Variants in ACMSD observed in about 807,000 individuals in gnomAD.
ACMSD encodes the protein 2-amino-3-carboxymuconate-6-semialdehyde decarboxylase.
A neutral mutation model predicts 45.9 loss-of-function variants in ACMSD; 37 were observed. The observed-to-expected ratio is 0.81, with a 90% CI of 0.62 to 1.06. ACMSD has a LOEUF of 1.06. Among genes scored for constraint, ACMSD ranks in the 50% least tolerant of loss-of-function variants. The probability of loss-of-function intolerance (pLI) is 0.00; values close to 1 mark genes in which losing one functional copy is unlikely to be tolerated. For synonymous variants in ACMSD, 138 were observed against 148.8 expected (o/e 0.93, Z 0.53); for missense variants, 434 against 420.9 (o/e 1.03, Z -0.27).
At chr2:134,878,749 G>A (rs1353172480) in intron 8 of ACMSD, among the ~76,000 whole-genome samples, 1 of 152,184 alleles carries the variant, frequency 6.6e-6, no homozygotes, top group African/African-American at 2.4e-5. Context: ...TAGTCCAAAG[G>A]TTTACTTTCC....
At chr2:134,881,210 A>G (rs1689018583) in intron 8 of ACMSD, among the ~76,000 whole-genome samples, 1 of 152,242 alleles carries the variant, frequency 6.6e-6, no homozygotes, top group South Asian at 2.1e-4. Flanking sequence ...CATGTTGGCC[A>G]GGCTGGTCTC....
intron 2 of ACMSD, among the ~76,000 whole-genome samples, chr2:134,854,291 A>G (rs1239519952): frequency 2.0e-5 from 3 of 152,200 alleles, no homozygotes; most frequent in Non-Finnish European, 4.4e-5. Context: ...CAGTGTTCTT[A>G]ATTGCAAACA....
At chr2:134,882,296 T>C (rs62168868) in intron 8 of ACMSD, among the ~76,000 whole-genome samples, 3 of 152,130 alleles carry the variant, frequency 2.0e-5, no homozygotes, top group Non-Finnish European at 2.9e-5. Context: ...CTTTCTGTCT[T>C]CTCAAGAAGT....
chr2:134,900,903 C>A (rs1436726558), intron 9 of ACMSD, among the ~76,000 whole-genome samples: 1 of 152,150 alleles, frequency 6.6e-6, no homozygotes, highest in African/African-American at 2.4e-5. Context: ...AGGGTACCTC[C>A]CTCAAAGGAT....
intron 6 of ACMSD, among the ~76,000 whole-genome samples, chr2:134,869,571 C>T (rs977801369): frequency 6.6e-5 from 10 of 152,032 alleles, no homozygotes; most frequent in Non-Finnish European, 1.0e-4. Context: ...TTTCATCATC[C>T]ATTTATGCAA....
At chr2:134,851,909 C>A (rs1169251914) in intron 2 of ACMSD, among the ~76,000 whole-genome samples, 1 of 152,162 alleles carries the variant, frequency 6.6e-6, no homozygotes, top group East Asian at 1.9e-4. Flanking sequence ...ATTTGTACAT[C>A]TTCTCAAAAT....
At chr2:134,845,507 AG>A (rs1248067038) in intron 2 of ACMSD, among the ~76,000 whole-genome samples, 2 of 105,998 alleles carry the variant, frequency 1.9e-5, no homozygotes, top group South Asian at 3.4e-4. Context: ...ACACATTAAA[AG>A]GTCTCTCTCT....
chr2:134,877,830 A>G (rs1481235352), intron 8 of ACMSD, among the ~76,000 whole-genome samples: 1 of 152,186 alleles, frequency 6.6e-6, no homozygotes, highest in Non-Finnish European at 1.5e-5. Context: ...GAAGCACGTC[A>G]TTTAATCTAG....
intron 2 of ACMSD, among the ~76,000 whole-genome samples, chr2:134,855,738 T>G (rs1687550802): frequency 6.6e-6 from 1 of 152,344 alleles, no homozygotes; most frequent in East Asian, 1.9e-4. Context: ...AATGTGGATC[T>G]GAAGTCTTCC....
chr2:134,898,660 G>C (rs141902286), intron 9 of ACMSD, among the ~76,000 whole-genome samples: 66 of 152,096 alleles, frequency 4.3e-4, no homozygotes, highest in Non-Finnish European at 8.5e-4. Flanking sequence ...ATAAACCCAA[G>C]AAAGAAAGTT....
chr2:134,853,569 G>A (rs906655362), intron 2 of ACMSD, among the ~76,000 whole-genome samples: 1 of 152,082 alleles, frequency 6.6e-6, no homozygotes, highest in African/African-American at 2.4e-5. Context: ...TAAAAACCAG[G>A]ACCCAAGAAA....
intron 4 of ACMSD, chr2:134,863,026 GC>G (rs1687920009): frequency 1.0e-6 from 1 of 984,928 alleles, no homozygotes; most frequent in African/African-American, 1.7e-5. Flanking sequence ...GTGGCCTGGG[GC>G]CCTTGGCCAG....
At chr2:134,884,641 G>A (rs571616968) in intron 8 of ACMSD, among the ~76,000 whole-genome samples, 2 of 152,190 alleles carry the variant, frequency 1.3e-5, no homozygotes, top group African/African-American at 4.8e-5. Context: ...TGCCACAGAT[G>A]TAAGTAGACA....
intron 8 of ACMSD, among the ~76,000 whole-genome samples, chr2:134,885,445 T>C (rs1426818460): frequency 2.6e-5 from 3 of 114,132 alleles, no homozygotes; most frequent in Non-Finnish European, 5.0e-5. Context: ...TATAAATATA[T>C]ATAAAACATA....
intron 1 of ACMSD, among the ~76,000 whole-genome samples, chr2:134,845,025 T>C (rs1480152259): frequency 6.6e-6 from 1 of 152,212 alleles, no homozygotes; most frequent in Admixed American, 6.5e-5. Context: ...ACTGCTGAGA[T>C]AACAGTATTT....
intron 8 of ACMSD, among the ~76,000 whole-genome samples, chr2:134,896,073 A>G (rs1690131606): frequency 6.6e-6 from 1 of 152,236 alleles, no homozygotes; most frequent in African/African-American, 2.4e-5. Context: ...TCAACATATG[A>G]TAGTGAGATA....
At chr2:134,876,294 CTTT>C (rs936402318) in intron 8 of ACMSD, among the ~76,000 whole-genome samples, 18 of 152,080 alleles carry the variant, frequency 1.2e-4, no homozygotes, top group South Asian at 2.1e-4. Flanking sequence ...CTTACTGTAA[CTTT>C]TTTACTTTTT....
Position 134,838,732 on chromosome 2 carries a change from TA to T in ACMSD, c.56del (p.Lys19ArgfsTer22). 2 of 1,608,810 alleles carry T rather than the reference TA, an allele frequency of 1.2e-6. No individual in the cohort carries two copies. The highest frequency in any genetic ancestry group is 1.1e-5 in the South Asian group (1 of 90,712). On this transcript the variant is annotated frameshift_variant, in exon 1 of 10. Coordinates refer to ENST00000356140, the MANE Select transcript of ACMSD (RefSeq NM_138326.3). LOFTEE classifies it high-confidence loss of function. The part of the protein sequence containing the change: ...SHILPKEWPD[L>X]KKRFGYGGWV... The stretch of plus-strand genomic sequence containing the variant: ...ATTCTACCAAAAGAATGGCCAGATC[TA>T]AAAAAGGTAATGGTAATTAATTTGC...
intron 8 of ACMSD, among the ~76,000 whole-genome samples, chr2:134,882,815 A>G (rs973027725): frequency 1.2e-4 from 19 of 152,252 alleles, no homozygotes; most frequent in African/African-American, 4.6e-4. Context: ...ACCATTTTGT[A>G]AGCCACATCT....
Sources: allele counts gnomAD v4.1 joint callset (sites outside exome capture counted in the v4.1 genomes callset), GRCh38; gene constraint gnomAD v4.1.1; transcripts MANE v1.5; gene names NCBI Gene and HGNC (gene_info 2026-07-23, HGNC 2026-07-21).